The following MLLT10 variants were observed in gnomAD, a reference collection of about 807,000 sequenced individuals.
MLLT10 encodes protein AF-10.
Under a neutral mutation model 129.1 loss-of-function variants are expected in MLLT10, and 30 were observed. That is an observed-to-expected ratio of 0.23 (90% confidence interval 0.17 to 0.32). MLLT10 has a LOEUF of 0.32. Ranked by LOEUF, MLLT10 falls within the 10% of genes least tolerant of loss-of-function variation. The probability of loss-of-function intolerance (pLI) is 1.00; values close to 1 mark genes in which losing one functional copy is unlikely to be tolerated. For synonymous variants in MLLT10, 490 were observed against 446.4 expected (o/e 1.10, Z -1.23); for missense variants, 1,119 against 1,268.3 (o/e 0.88, Z 1.79).
intron 13 of MLLT10, 41 bp from the exon 14 acceptor site, chr10:21,713,731 G>T (rs1226964834): frequency 6.4e-7 from 1 of 1,557,616 alleles, no homozygotes; most frequent in Admixed American, 1.8e-5. Flanking sequence ...TGACAAATTT[G>T]ACTGCTAAGT....
chr10:21,589,451 G>A (rs1335690938), intron 4 of MLLT10, among the ~76,000 whole-genome samples: 1 of 151,270 alleles, frequency 6.6e-6, no homozygotes, highest in Non-Finnish European at 1.5e-5. Context: ...CCTCAGCTTT[G>A]AGAGTGTTGG....
At chr10:21,557,195 G>C (rs1318311960) in intron 3 of MLLT10, 2 of 1,272,044 alleles carry the variant, frequency 1.6e-6, no homozygotes. Context: ...AATGCCTACT[G>C]TGTTGTTATT....
rs1010960149 is a variant in MLLT10, at chr10:21,534,272, C to G, written c.-249C>G. On this transcript the variant is annotated 5_prime_UTR_variant, in exon 1 of 23. Coordinates refer to ENST00000307729, the MANE Select transcript of MLLT10 (RefSeq NM_001195626.3). Reference sequence around the variant, plus strand: ...CGCTCCGAGGAGGAAGCGCAGCCCCCTTCCCCTCCCTCGCTGCCCCTGGCC... The same window carrying G: ...CGCTCCGAGGAGGAAGCGCAGCCCCGTTCCCCTCCCTCGCTGCCCCTGGCC... The G allele has an allele frequency of 2.5e-6, 1 of 400,390 alleles. No homozygotes were observed. The highest frequency in any genetic ancestry group is 4.4e-6 in the Non-Finnish European group (1 of 226,910). The allele number at this position is 400,390 out of a possible 1,614,324, so 24.8% of individuals were successfully genotyped here. A position where few individuals can be genotyped will look rare whatever the true frequency, so the allele number is the denominator to read the frequency against.
chr10:21,567,703 G>A (rs986127208), intron 3 of MLLT10, among the ~76,000 whole-genome samples: 2 of 151,992 alleles, frequency 1.3e-5, no homozygotes, highest in East Asian at 1.9e-4. Context: ...GGTGGGGCTA[G>A]GTTTTCTATG....
chr10:21,700,442 T>G (rs1051648859), intron 13 of MLLT10, among the ~76,000 whole-genome samples: 7 of 152,194 alleles, frequency 4.6e-5, no homozygotes, highest in Non-Finnish European at 8.8e-5. Flanking sequence ...TGTTTTGTTT[T>G]AGGTCTTAGA....
At chr10:21,590,634 C>T (rs1313404094) in intron 4 of MLLT10, among the ~76,000 whole-genome samples, 10 of 152,130 alleles carry the variant, frequency 6.6e-5, no homozygotes, top group Admixed American at 1.3e-4. Flanking sequence ...CCACCACACC[C>T]GGCCGCCAGT....
intron 3 of MLLT10, among the ~76,000 whole-genome samples, chr10:21,581,567 G>T (rs757929585): frequency 6.6e-6 from 1 of 151,774 alleles, no homozygotes; most frequent in Non-Finnish European, 1.5e-5. Flanking sequence ...ATCTCATCTC[G>T]AATTGTAATC....
chr10:21,714,969 ATTTT>A (rs964098978), intron 14 of MLLT10, among the ~76,000 whole-genome samples: 1 of 151,686 alleles, frequency 6.6e-6, no homozygotes, highest in Non-Finnish European at 1.5e-5. Flanking sequence ...TTTCCAAAGT[ATTTT>A]TTTTATTTAT....
intron 8 of MLLT10, among the ~76,000 whole-genome samples, chr10:21,641,655 C>G (rs143835985): frequency 5.8e-4 from 88 of 152,084 alleles, no homozygotes; most frequent in South Asian, 8.3e-4. Flanking sequence ...ACCAAAAAAA[C>G]TTTTTTCCCC....
intron 3 of MLLT10, among the ~76,000 whole-genome samples, chr10:21,567,546 G>C (rs10828252): frequency 1.3e-5 from 2 of 151,984 alleles, no homozygotes; most frequent in Admixed American, 1.3e-4. Context: ...GTAGGGAGTG[G>C]ATGCTCATTA....
intron 10 of MLLT10, 139 bp downstream of exon 10, chr10:21,670,843 ATTAC>A (rs755506706): frequency 2.1e-6 from 2 of 968,878 alleles, no homozygotes; most frequent in Non-Finnish European, 2.9e-6. Context: ...CTTTAGTAAG[ATTAC>A]TTTAAAGATA....
chr10:21,660,955 A>C (rs2050139038), intron 9 of MLLT10, among the ~76,000 whole-genome samples: 1 of 151,720 alleles, frequency 6.6e-6, no homozygotes, highest in South Asian at 2.1e-4. Flanking sequence ...TTCCTCTTTA[A>C]ATGCTGCTTT....
Position 21,563,791 on chromosome 10 carries a change from GTAT to G in MLLT10, c.241-22468_241-22466del, listed in dbSNP as rs34367086. On this transcript the variant is annotated intron_variant, in intron 3 of 22. Transcript: ENST00000307729. ...GGCGGGTAGTGATATCTCACTGTGT[GTAT>G]TATTATTATTATTATTATTATTATT... Among the ~76,000 whole-genome samples, 572 of 145,604 alleles carry G rather than the reference GTAT, an allele frequency of 3.9e-3. 2 individuals carry two copies. Among genetic ancestry groups the G allele is most frequent in the East Asian group, 7.4e-3 (37 of 4,996 alleles).
chr10:21,726,170 G>T, intron 14 of MLLT10, 74 bp from the exon 15 acceptor site: 1 of 957,234 alleles, frequency 1.0e-6, no homozygotes, highest in South Asian at 1.8e-5. Context: ...ATAATTACTA[G>T]ATCTATTAGA....
intron 13 of MLLT10, among the ~76,000 whole-genome samples, chr10:21,698,001 T>C (rs1384763900): frequency 1.3e-5 from 2 of 152,244 alleles, no homozygotes; most frequent in Non-Finnish European, 2.9e-5. Context: ...GAATGTATAC[T>C]GAGCAAGTCA....
In MLLT10 at chr10:21,556,599, C is replaced by T. The variant is rs377289570; in HGVS notation, c.240+17687C>T. ...CTAGGGCAGGTGAGAGCCAGTTACG[C>T]GTTAGTATGTAGTGAATAAGGGATT... is the stretch of plus-strand genomic sequence containing the variant. On this transcript the variant is annotated intron_variant, in intron 3 of 22. Transcript: ENST00000307729. 38 of 1,489,254 alleles carry T rather than the reference C, an allele frequency of 2.6e-5. 1 individual carries two copies. Among genetic ancestry groups the T allele is most frequent in the South Asian group, 6.0e-5 (5 of 82,818 alleles). 92.3% of individuals were successfully genotyped at this position (1,489,254 alleles called of 1,614,324 possible).
intron 21 of MLLT10, among the ~76,000 whole-genome samples, chr10:21,739,021 C>A (rs1440998050): frequency 1.3e-5 from 2 of 152,168 alleles, no homozygotes; most frequent in Non-Finnish European, 2.9e-5. Context: ...GTGTCCAGAA[C>A]CGAACAGCTG....
At chr10:21,560,329 T>C (rs562070064) in intron 3 of MLLT10, among the ~76,000 whole-genome samples, 31 of 152,256 alleles carry the variant, frequency 2.0e-4, no homozygotes, top group Admixed American at 7.2e-4. Context: ...TGCCAAAATG[T>C]TTTTCACAGA....
intron 9 of MLLT10, among the ~76,000 whole-genome samples, chr10:21,654,625 T>C (rs2049371384): frequency 6.6e-6 from 1 of 152,216 alleles, no homozygotes; most frequent in Admixed American, 6.5e-5. Context: ...TGAAGGTTCA[T>C]GGGCAAGACT....
Sources: allele counts gnomAD v4.1 joint callset (sites outside exome capture counted in the v4.1 genomes callset), GRCh38; gene constraint gnomAD v4.1.1; transcripts MANE v1.5; gene names NCBI Gene and HGNC (gene_info 2026-07-23, HGNC 2026-07-21).